Variants in SPON1 observed in about 807,000 individuals in gnomAD.
SPON1 encodes the protein spondin-1.
In SPON1, 52 loss-of-function variants were observed where a neutral mutation model predicts 111.7. That is an observed-to-expected ratio of 0.47 (90% confidence interval 0.37 to 0.59). The LOEUF (loss-of-function observed/expected upper bound fraction) is 0.59, where lower values mean the gene tolerates loss of function less well. Among genes scored for constraint, SPON1 ranks in the 20% least tolerant of loss-of-function variants. SPON1 has a pLI of 0.00. For missense variants in SPON1, 957 were observed against 1,068.5 expected (o/e 0.90, Z 1.46); for synonymous variants, 410 against 395.8 (o/e 1.04, Z -0.43).
intron 5 of SPON1, among the ~76,000 whole-genome samples, chr11:14,084,546 C>T (rs1255282518): frequency 3.9e-5 from 6 of 152,178 alleles, no homozygotes; most frequent in Non-Finnish European, 7.3e-5. Context: ...TCCAGTCTAT[C>T]ACTGATGGGC....
intron 6 of SPON1, among the ~76,000 whole-genome samples, chr11:14,220,248 C>T (rs1848667521): frequency 6.6e-6 from 1 of 152,148 alleles, no homozygotes. Flanking sequence ...TGGTTGAACC[C>T]TTCTGCACAT....
At chr11:14,062,998 C>G (rs1338832581) in intron 3 of SPON1, among the ~76,000 whole-genome samples, 1 of 151,908 alleles carries the variant, frequency 6.6e-6, no homozygotes, top group East Asian at 1.9e-4. Context: ...CTTCCCCCTC[C>G]TTCCCTCTTT....
Position 13,969,213 on chromosome 11 carries a change from T to TAAAAA in SPON1, c.238+6072_238+6073insAAAAA, listed in dbSNP as rs1322316788. On this transcript the variant is annotated intron_variant, in intron 1 of 15. Transcript: ENST00000576479. ...TGGACAATATGGCAAAACCCATCTCTACAAAAAAAAAAAAAAAAAAAAATT... is the reference window on the plus strand; with the variant it reads ...TGGACAATATGGCAAAACCCATCTCTAAAAAACAAAAAAAAAAAAAAAAAAAAATT... 9.1e-5 allele frequency among the ~76,000 whole-genome samples: 3 copies of TAAAAA among 33,114 alleles called. No individual in the cohort carries two copies. In the Admixed American group the frequency reaches 1.1e-3, roughly 12 times the overall value. 21.7% of individuals were successfully genotyped at this position (33,114 alleles called of 152,430 possible). A position where few individuals can be genotyped will look rare whatever the true frequency, so the allele number is the denominator to read the frequency against.
At chr11:14,015,130 G>A (rs1554914176) in intron 2 of SPON1, among the ~76,000 whole-genome samples, 1 of 152,192 alleles carries the variant, frequency 6.6e-6, no homozygotes, top group African/African-American at 2.4e-5. Flanking sequence ...GAGTGTAAAT[G>A]CTCAGAATAA....
chr11:14,141,026 C>CA, intron 6 of SPON1, among the ~76,000 whole-genome samples: 1 of 124,556 alleles, frequency 8.0e-6, no homozygotes, highest in African/African-American at 2.8e-5. Context: ...GGCGTGCCCC[C>CA]CCCATGCCCC....
intron 6 of SPON1, among the ~76,000 whole-genome samples, chr11:14,171,716 A>G (rs1554932485): frequency 3.3e-5 from 5 of 151,996 alleles, no homozygotes; most frequent in Non-Finnish European, 7.4e-5. Context: ...GGTTTCAAAG[A>G]ACATCTTTAT....
At chr11:14,035,584 A>G (rs1848588121) in intron 2 of SPON1, among the ~76,000 whole-genome samples, 2 of 151,848 alleles carry the variant, frequency 1.3e-5, no homozygotes, top group South Asian at 4.2e-4. Context: ...GAACCTCACA[A>G]CAAAAGGGAG....
chr11:14,154,867 T>A (rs1847825230), intron 6 of SPON1, among the ~76,000 whole-genome samples: 1 of 152,214 alleles, frequency 6.6e-6, no homozygotes, highest in Non-Finnish European at 1.5e-5. Context: ...TTGGATGCTT[T>A]GCTACTTAGA....
intron 3 of SPON1, among the ~76,000 whole-genome samples, chr11:14,063,471 T>G (rs73422186): frequency 0.031 from 4,722 of 152,188 alleles, 244 homozygotes; most frequent in African/African-American, 0.11. Flanking sequence ...TTCTTGTAGC[T>G]GAAAATATTT....
intron 6 of SPON1, among the ~76,000 whole-genome samples, chr11:14,181,805 C>T (rs1347858571): frequency 6.6e-6 from 1 of 152,190 alleles, no homozygotes; most frequent in African/African-American, 2.4e-5. Flanking sequence ...GCTAAAATGA[C>T]ACTTCTGGTC....
intron 5 of SPON1, among the ~76,000 whole-genome samples, chr11:14,093,119 AG>A (rs1554923566): frequency 6.6e-6 from 1 of 152,260 alleles, no homozygotes; most frequent in Admixed American, 6.5e-5. Context: ...CAGAAAGAGA[AG>A]GTCTGGATTC....
chr11:14,242,118 A>G (rs1275656875), intron 6 of SPON1, among the ~76,000 whole-genome samples: 3 of 152,166 alleles, frequency 2.0e-5, no homozygotes, highest in African/African-American at 7.2e-5. Flanking sequence ...ATGGGAAGCC[A>G]TGGACCAGAA....
chr11:13,988,939 A>T (rs1848206797), intron 2 of SPON1, among the ~76,000 whole-genome samples: 1 of 152,106 alleles, frequency 6.6e-6, no homozygotes. Context: ...GTGCTGCTGG[A>T]TTTGGTTTAC....
rs1427903782 is a variant in SPON1, at chr11:14,267,431, T to C, written c.*1744T>C. 2 of 141,564 alleles carry C rather than the reference T, an allele frequency of 1.4e-5. No homozygotes were observed. The highest frequency in any genetic ancestry group is 3.2e-5 in the Non-Finnish European group (2 of 62,528). 8.8% of individuals were successfully genotyped at this position (141,564 alleles called of 1,614,324 possible). On this transcript the variant is annotated 3_prime_UTR_variant, in exon 16 of 16. Transcript: ENST00000576479. ...TATAAAGAAACACAAGATTTAATTATTTTTCTACTTGGGGGGAAAAAAGTC... is the reference window on the plus strand; with the variant it reads ...TATAAAGAAACACAAGATTTAATTACTTTTCTACTTGGGGGGAAAAAAGTC...
chr11:14,147,572 C>T (rs1847736803), intron 6 of SPON1, among the ~76,000 whole-genome samples: 1 of 151,916 alleles, frequency 6.6e-6, no homozygotes, highest in East Asian at 1.9e-4. Flanking sequence ...CACCCACCAC[C>T]AGCCTGGCTA....
chr11:14,021,521 C>T (rs2697857), intron 2 of SPON1, among the ~76,000 whole-genome samples: 1,803 of 152,218 alleles, frequency 0.012, 49 homozygotes, highest in African/African-American at 0.041. Flanking sequence ...AAACAAGCCC[C>T]AAAGCACCAG....
rs552314915 is a variant in SPON1 at position 14,213,406 on chromosome 11, A to G, written c.826-29926A>G. On this transcript the variant is annotated intron_variant, in intron 6 of 15. Transcript: ENST00000576479. ...CTCATTCCTTTTTTTTTTTTCTTAA[A>G]TATGTTTAACTCTCCTGCTTAAGAT... 4.6e-5 allele frequency among the ~76,000 whole-genome samples: 7 copies of G among 151,568 alleles called. No individual in the cohort carries two copies. In the South Asian group the frequency reaches 1.5e-3, roughly 32 times the overall value.
intron 8 of SPON1, 89 bp from the exon 9 acceptor site, chr11:14,255,558 G>A (rs1849097141): frequency 4.2e-6 from 5 of 1,197,472 alleles, no homozygotes; most frequent in Middle Eastern, 2.0e-4. Context: ...TTCCTATCAA[G>A]GACTTTGCTC....
chr11:14,233,801 C>G (rs182367785), intron 6 of SPON1, among the ~76,000 whole-genome samples: 2 of 135,254 alleles, frequency 1.5e-5, no homozygotes, highest in Non-Finnish European at 3.1e-5. Flanking sequence ...CTGCCCTCGT[C>G]GCCCAGTCTG....
Sources: gnomAD v4.1 joint callset for allele counts (sites outside exome capture counted in the v4.1 genomes callset) on GRCh38, gnomAD v4.1.1 for gene constraint, MANE v1.5 for transcripts, NCBI Gene and HGNC (gene_info 2026-07-23, HGNC 2026-07-21) for gene names.